The following TENM2 variants were observed in gnomAD, a reference collection of about 807,000 sequenced individuals.
TENM2 encodes the protein teneurin transmembrane protein 2.
Under a neutral mutation model 245.2 loss-of-function variants are expected in TENM2, and 52 were observed. The ratio of observed to expected loss-of-function variants is 0.21; its 90% CI spans 0.17 to 0.27. The LOEUF (loss-of-function observed/expected upper bound fraction) is 0.27, where lower values mean the gene tolerates loss of function less well. Among genes scored for constraint, TENM2 ranks in the 10% least tolerant of loss-of-function variants. TENM2 has a pLI of 1.00. For synonymous variants in TENM2, 1,363 were observed against 1,438.9 expected (o/e 0.95, Z 1.19); for missense variants, 3,046 against 3,666.8 (o/e 0.83, Z 4.37).
chr5:168,127,865 C>T (rs1435445298), intron 12 of TENM2, among the ~76,000 whole-genome samples: 2 of 152,136 alleles, frequency 1.3e-5, no homozygotes, highest in Non-Finnish European at 2.9e-5. Flanking sequence ...AAGACGTTTC[C>T]AGCCAAACTA....
the TENM2 span, among the ~76,000 whole-genome samples, chr5:167,089,574 A>AT: frequency 7.9e-5 from 12 of 151,654 alleles, no homozygotes; most frequent in South Asian, 2.1e-4. Flanking sequence ...TTAAAACTGG[A>AT]TTTTTTTTTC....
rs70976465 is a variant in TENM2 at position 168,154,147 on chromosome 5, T to TAAAAAAAAAAAAA, written c.2423-8457_2423-8445dup. Among the ~76,000 whole-genome samples, 12 of 85,086 alleles carry TAAAAAAAAAAAAA rather than the reference T, an allele frequency of 1.4e-4. 1 individual carries two copies. The highest frequency in any genetic ancestry group is 2.0e-4 in the Non-Finnish European group (8 of 39,504). 55.8% of individuals were successfully genotyped at this position (85,086 alleles called of 152,430 possible). Reference sequence around the variant, plus strand: ...CATTTCCTCACATGATCACCTACTTTAAAAAAAAAAAAAAAAAAACAGTAA... The same window carrying TAAAAAAAAAAAAA: ...CATTTCCTCACATGATCACCTACTTTAAAAAAAAAAAAAAAAAAAAAAAAAAAAAAAACAGTAA... On this transcript the variant is annotated intron_variant, in intron 12 of 28. Coordinates refer to ENST00000518659, the Ensembl canonical transcript of TENM2.
intron 10 of TENM2, among the ~76,000 whole-genome samples, chr5:168,119,381 G>C (rs575771928): frequency 6.6e-6 from 1 of 152,270 alleles, no homozygotes; most frequent in East Asian, 1.9e-4. Flanking sequence ...TCTCTGGAGG[G>C]GATCCAAAAG....
At chr5:167,098,419 C>A in the TENM2 span, among the ~76,000 whole-genome samples, 2 of 152,204 alleles carry the variant, frequency 1.3e-5, no homozygotes, top group African/African-American at 2.4e-5. Flanking sequence ...TTCACAGATA[C>A]AACAAACCTT....
chr5:167,702,400 T>G (rs2150444383), intron 2 of TENM2, among the ~76,000 whole-genome samples: 1 of 152,110 alleles, frequency 6.6e-6, no homozygotes, highest in South Asian at 2.1e-4. Context: ...ATTAGCTGAA[T>G]TCATCTCTGT....
At chr5:167,206,177 T>A in the TENM2 span, among the ~76,000 whole-genome samples, 7 of 152,202 alleles carry the variant, frequency 4.6e-5, no homozygotes, top group Admixed American at 4.6e-4. Flanking sequence ...GCCATCTGGA[T>A]TTGTCTCCTC....
intron 13 of TENM2, among the ~76,000 whole-genome samples, chr5:168,165,397 C>T (rs1399293892): frequency 2.0e-5 from 3 of 152,074 alleles, no homozygotes; most frequent in Non-Finnish European, 4.4e-5. Flanking sequence ...CTCCCTTCCC[C>T]GTTCCTGGTG....
the TENM2 span, among the ~76,000 whole-genome samples, chr5:167,210,556 C>T: frequency 3.3e-5 from 5 of 150,996 alleles, no homozygotes; most frequent in South Asian, 2.1e-4. Flanking sequence ...CTCTGCTTCC[C>T]GGGTTCACGC....
chr5:167,237,137 A>G, the TENM2 span, among the ~76,000 whole-genome samples: 1 of 152,134 alleles, frequency 6.6e-6, no homozygotes, highest in Non-Finnish European at 1.5e-5. Context: ...TAAACTCTAT[A>G]GCAGTATGTA....
At chr5:168,008,274 G>C (rs1012605706) in intron 5 of TENM2, among the ~76,000 whole-genome samples, 1 of 152,182 alleles carries the variant, frequency 6.6e-6, no homozygotes, top group Non-Finnish European at 1.5e-5. Flanking sequence ...AGAATTAATA[G>C]GGTGTTATGA....
intron 2 of TENM2, among the ~76,000 whole-genome samples, chr5:167,597,332 A>AT (rs1046589140): frequency 3.3e-5 from 5 of 151,696 alleles, no homozygotes; most frequent in Non-Finnish European, 7.4e-5. Flanking sequence ...CGCCTGGCTC[A>AT]TTTTTTGTAT....
chr5:167,119,300 G>A, the TENM2 span, among the ~76,000 whole-genome samples: 3 of 152,308 alleles, frequency 2.0e-5, no homozygotes, highest in Admixed American at 2.0e-4. Flanking sequence ...CTACGTGGTG[G>A]TGATTTAACG....
Position 168,200,076 on chromosome 5 carries a change from C to G in TENM2, c.3375C>G (p.Ile1125Met), listed in dbSNP as rs1250739333. ...CTCCCAACCTGGCCTACACCTTCATCTGGGACAAGACAGATGCGTATGGCC... is the reference window on the plus strand; with the variant it reads ...CTCCCAACCTGGCCTACACCTTCATGTGGGACAAGACAGATGCGTATGGCC... The change falls in exon 17 of 29, where the codon ATC (isoleucine) becomes ATG (methionine). Residue 1125 changes from isoleucine (I) to methionine (M), a missense_variant. Ile to Met is a conservative substitution (Grantham distance 10, BLOSUM62 1). Coordinates refer to ENST00000518659, the Ensembl canonical transcript of TENM2. The G allele has an allele frequency of 6.2e-7, 1 of 1,613,874 alleles. No homozygotes were observed. The highest frequency in any genetic ancestry group is 1.1e-5 in the South Asian group (1 of 91,054).
the TENM2 span, among the ~76,000 whole-genome samples, chr5:167,174,207 A>C: frequency 3.3e-5 from 5 of 152,242 alleles, no homozygotes; most frequent in South Asian, 1.0e-3. Context: ...TCAAAACAAC[A>C]ATAATGGAAA....
At chr5:168,056,089 A>T (rs562337821) in intron 6 of TENM2, among the ~76,000 whole-genome samples, 51 of 152,340 alleles carry the variant, frequency 3.3e-4, no homozygotes, top group African/African-American at 1.2e-3. Flanking sequence ...AACAGCTGGC[A>T]TGGCTCAGGG....
intron 2 of TENM2, among the ~76,000 whole-genome samples, chr5:167,869,248 G>A (rs894155994): frequency 1.3e-5 from 2 of 152,218 alleles, no homozygotes; most frequent in Non-Finnish European, 2.9e-5. Flanking sequence ...TATTACATCT[G>A]TTGGAGCCCA....
At chr5:167,328,379 T>C (rs1301457793) in intron 1 of TENM2, among the ~76,000 whole-genome samples, 1 of 151,982 alleles carries the variant, frequency 6.6e-6, no homozygotes, top group Non-Finnish European at 1.5e-5. Context: ...GCTAATTTTT[T>C]TGTATTTTTA....
intron 2 of TENM2, among the ~76,000 whole-genome samples, chr5:167,768,296 G>A (rs1404723888): frequency 6.6e-6 from 1 of 152,052 alleles, no homozygotes; most frequent in Non-Finnish European, 1.5e-5. Context: ...AACAAGCAAT[G>A]GGAAAGCCCA....
the TENM2 span, among the ~76,000 whole-genome samples, chr5:166,982,893 T>A: frequency 1.3e-5 from 2 of 152,142 alleles, no homozygotes; most frequent in African/African-American, 4.8e-5. Flanking sequence ...AATACTCTGC[T>A]TTAAGTTTTG....
Sources: allele counts gnomAD v4.1 joint callset (sites outside exome capture counted in the v4.1 genomes callset), GRCh38; gene constraint gnomAD v4.1.1; transcripts MANE v1.5; gene names NCBI Gene and HGNC (gene_info 2026-07-23, HGNC 2026-07-21).